Variants in TENM4 observed in about 807,000 individuals in gnomAD.
TENM4 encodes teneurin-4.
Under a neutral mutation model 243.3 loss-of-function variants are expected in TENM4, and 82 were observed. The ratio of observed to expected loss-of-function variants is 0.34; its 90% CI spans 0.28 to 0.40. TENM4 has a LOEUF of 0.40. TENM4 is among the 10% of genes least tolerant of loss of function. The pLI, the probability that TENM4 is intolerant of heterozygous loss-of-function variation, is 1.00. For missense variants in TENM4, 3,138 were observed against 3,673.3 expected (o/e 0.85, Z 3.77); for synonymous variants, 1,412 against 1,456.3 (o/e 0.97, Z 0.69).
chr11:79,244,651 T>A (rs1159015899), intron 2 of TENM4, among the ~76,000 whole-genome samples: 1 of 152,118 alleles, frequency 6.6e-6, no homozygotes, highest in African/African-American at 2.4e-5. Context: ...AATAAAAAAA[T>A]ATATTATGAC....
At chr11:79,342,452 G>A (rs1285925072) in intron 1 of TENM4, among the ~76,000 whole-genome samples, 1 of 152,168 alleles carries the variant, frequency 6.6e-6, no homozygotes, top group African/African-American at 2.4e-5. Flanking sequence ...AGGCGAAGAG[G>A]GTGGGAGGGA....
intron 12 of TENM4, among the ~76,000 whole-genome samples, chr11:78,840,321 T>C (rs1223870490): frequency 6.6e-6 from 1 of 151,930 alleles, no homozygotes; most frequent in African/African-American, 2.4e-5. Flanking sequence ...TCTTGGCCTA[T>C]GACACAAATG....
chr11:79,320,727 A>G (rs1856874894), intron 1 of TENM4, among the ~76,000 whole-genome samples: 1 of 152,250 alleles, frequency 6.6e-6, no homozygotes, highest in Non-Finnish European at 1.5e-5. Context: ...AATGATGATA[A>G]GAATGAAGAT....
chr11:79,297,501 G>C lies in TENM4; in HGVS notation c.-278C>G, dbSNP rs1344740524. 1 of 152,630 alleles carries C rather than the reference G, an allele frequency of 6.6e-6. No individual in the cohort carries two copies. The highest frequency in any genetic ancestry group is 1.5e-5 in the Non-Finnish European group (1 of 68,044). The allele number at this position is 152,630 out of a possible 1,614,324, so 9.5% of individuals were successfully genotyped here. ...ATCATTACTTACCTACCGACCAAGT[G>C]TCTGAGAGATCACTAGCCCTCTCTG... On this transcript the variant is annotated 5_prime_UTR_variant, in exon 2 of 34. Transcript: ENST00000278550.
chr11:79,027,103 AC>A (rs1859100721), intron 6 of TENM4, among the ~76,000 whole-genome samples: 1 of 152,202 alleles, frequency 6.6e-6, no homozygotes, highest in East Asian at 1.9e-4. Flanking sequence ...TGTGGGTTGA[AC>A]AAGAGACTTA....
intron 3 of TENM4, among the ~76,000 whole-genome samples, chr11:79,165,485 A>C (rs1473824701): frequency 6.6e-6 from 1 of 151,922 alleles, no homozygotes; most frequent in Non-Finnish European, 1.5e-5. Context: ...CTTTTTGATG[A>C]AATTGTTTGT....
chr11:78,893,800 C>CACACACACACACACAT (rs61101897), intron 7 of TENM4, among the ~76,000 whole-genome samples: 220 of 149,952 alleles, frequency 1.5e-3, no homozygotes, highest in African/African-American at 5.1e-3. Flanking sequence ...CACACACACA[C>CACACACACACACACAT]TCCTCTCTTT....
At position 79,373,650 on chromosome 11, in the gene TENM4, T is replaced by C. The variant is rs1857833153; in HGVS notation, c.-321+66859A>G. Reference sequence around the variant, plus strand: ...ATCATATGAAATTATCAAATTCCTGTACCTTCTCCAGCAATACAAATTATC... The same window carrying C: ...ATCATATGAAATTATCAAATTCCTGCACCTTCTCCAGCAATACAAATTATC... On this transcript the variant is annotated intron_variant, in intron 1 of 33. Coordinates refer to ENST00000278550, the MANE Select transcript of TENM4 (RefSeq NM_001098816.3). 2.0e-5 allele frequency among the ~76,000 whole-genome samples: 3 copies of C among 152,322 alleles called. 1 individual carries two copies. In the South Asian group the frequency reaches 6.2e-4, roughly 32 times the overall value.
chr11:78,961,902 G>C (rs1305303334), intron 6 of TENM4, among the ~76,000 whole-genome samples: 1 of 151,572 alleles, frequency 6.6e-6, no homozygotes, highest in East Asian at 2.0e-4. Flanking sequence ...ACATCTGCCT[G>C]TCCGATGTCT....
intron 4 of TENM4, among the ~76,000 whole-genome samples, chr11:79,135,843 G>A (rs1012455351): frequency 3.4e-5 from 5 of 148,026 alleles, no homozygotes; most frequent in Non-Finnish European, 1.5e-5. Context: ...ATATATGATG[G>A]AATACAACTC....
chr11:79,437,069 TC>T (rs1405835103), intron 1 of TENM4, among the ~76,000 whole-genome samples: 1 of 152,212 alleles, frequency 6.6e-6, no homozygotes, highest in Non-Finnish European at 1.5e-5. Flanking sequence ...AGACACCCGT[TC>T]ACTCCAGGCA....
chr11:79,346,081 A>T (rs1857321554), intron 1 of TENM4, among the ~76,000 whole-genome samples: 1 of 152,206 alleles, frequency 6.6e-6, no homozygotes, highest in African/African-American at 2.4e-5. Context: ...AAAGCATAAG[A>T]TGGCTGAAGA....
intron 6 of TENM4, among the ~76,000 whole-genome samples, chr11:79,023,553 C>A: frequency 7.4e-6 from 1 of 136,020 alleles, no homozygotes. Context: ...CAGAGAAAGG[C>A]TCTGTCTCAA....
At chr11:78,985,364 C>T (rs181812091) in intron 6 of TENM4, among the ~76,000 whole-genome samples, 23 of 152,164 alleles carry the variant, frequency 1.5e-4, no homozygotes, top group African/African-American at 5.3e-4. Context: ...TGCCAAATTA[C>T]TTTCCAAAAG....
At chr11:79,112,116 T>G (rs1286621062) in intron 4 of TENM4, among the ~76,000 whole-genome samples, 1 of 151,284 alleles carries the variant, frequency 6.6e-6, no homozygotes, top group Non-Finnish European at 1.5e-5. Context: ...TGCCCAGCCA[T>G]GAACACGTTC....
At chr11:78,833,016 G>A (rs1045263155) in intron 12 of TENM4, among the ~76,000 whole-genome samples, 2 of 152,146 alleles carry the variant, frequency 1.3e-5, no homozygotes, top group Admixed American at 6.5e-5. Context: ...CCAAATGCAC[G>A]GTGCTAAGTG....
intron 31 of TENM4, 119 bp from the exon 32 acceptor site, chr11:78,670,670 G>T: frequency 2.0e-6 from 2 of 1,008,840 alleles, no homozygotes; most frequent in Non-Finnish European, 2.9e-6. Context: ...AGTTTCCATG[G>T]TTCTCTTGAG....
At chr11:79,274,583 C>T (rs1000086326) in intron 2 of TENM4, among the ~76,000 whole-genome samples, 1 of 152,146 alleles carries the variant, frequency 6.6e-6, no homozygotes, top group Admixed American at 6.6e-5. Context: ...GAAGGCAGGG[C>T]TCACCAGGCC....
intron 2 of TENM4, among the ~76,000 whole-genome samples, chr11:79,266,939 A>G (rs1469460201): frequency 6.6e-6 from 1 of 152,198 alleles, no homozygotes; most frequent in Non-Finnish European, 1.5e-5. Flanking sequence ...ACACGTTGGG[A>G]TAAAGGTTAC....
Sources: gnomAD v4.1 joint callset for allele counts (sites outside exome capture counted in the v4.1 genomes callset) on GRCh38, gnomAD v4.1.1 for gene constraint, MANE v1.5 for transcripts, NCBI Gene and HGNC (gene_info 2026-07-23, HGNC 2026-07-21) for gene names.